Variants in SCHIP1 observed in about 807,000 individuals in gnomAD.
The protein encoded by SCHIP1 is schwannomin-interacting protein 1.
In SCHIP1, 8 loss-of-function variants were observed where a neutral mutation model predicts 29.7. That is an observed-to-expected ratio of 0.27 (90% CI 0.16 to 0.49). SCHIP1 has a LOEUF of 0.49. Ranked by LOEUF, SCHIP1 falls within the 20% of genes least tolerant of loss-of-function variation. The probability of loss-of-function intolerance (pLI) is 0.99; values close to 1 mark genes in which losing one functional copy is unlikely to be tolerated. For synonymous variants in SCHIP1, 76 were observed against 94.9 expected (o/e 0.80, Z 1.16); for missense variants, 193 against 294.6 (o/e 0.66, Z 2.52).
the SCHIP1 span, among the ~76,000 whole-genome samples, chr3:159,600,681 T>A: frequency 6.6e-6 from 1 of 152,368 alleles, no homozygotes; most frequent in Middle Eastern, 3.4e-3. Context: ...TAACATTTTC[T>A]TTTTAAGATT....
At chr3:159,734,894 C>G in the SCHIP1 span, among the ~76,000 whole-genome samples, 5 of 146,130 alleles carry the variant, frequency 3.4e-5, no homozygotes, top group Non-Finnish European at 5.9e-5. Flanking sequence ...AGCTTTAGGA[C>G]TACAGTTACT....
rs59306667 is a variant in SCHIP1 at position 159,864,415 on chromosome 3, C to G, written c.31-1748C>G. Among the ~76,000 whole-genome samples the G allele has an allele frequency of 4.2e-3, 624 of 148,308 alleles. 4 individuals are homozygous for G. The highest frequency in any genetic ancestry group is 0.015 in the African/African-American group (606 of 40,554). ...GAACTATGAAAGCAGTCTTTCACAT[C>G]TGTAAAAAAAACAAAAAATCTGTAT... On this transcript the variant is annotated intron_variant, in intron 1 of 6. Coordinates refer to ENST00000445224, the Ensembl canonical transcript of SCHIP1.
chr3:159,828,728 A>T, the SCHIP1 span, among the ~76,000 whole-genome samples: 1 of 152,056 alleles, frequency 6.6e-6, no homozygotes, highest in African/African-American at 2.4e-5. Context: ...AGCATTGAAA[A>T]GCTTTTTTAT....
At chr3:159,461,398 C>T in the SCHIP1 span, among the ~76,000 whole-genome samples, 1 of 152,046 alleles carries the variant, frequency 6.6e-6, no homozygotes, top group Non-Finnish European at 1.5e-5. Context: ...AGCCACCCAC[C>T]CTCATGCTGT....
chr3:159,435,574 G>C, the SCHIP1 span, among the ~76,000 whole-genome samples: 2 of 152,150 alleles, frequency 1.3e-5, no homozygotes, highest in Non-Finnish European at 2.9e-5. Flanking sequence ...ACCAGTAAAG[G>C]CAAGTGAAGA....
At chr3:159,381,681 C>G in the SCHIP1 span, among the ~76,000 whole-genome samples, 5 of 152,034 alleles carry the variant, frequency 3.3e-5, no homozygotes, top group African/African-American at 4.8e-5. Flanking sequence ...CTGCAACCTC[C>G]ACCTCCTGGG....
chr3:159,430,012 A>G, the SCHIP1 span, among the ~76,000 whole-genome samples: 19 of 152,320 alleles, frequency 1.2e-4, no homozygotes, highest in South Asian at 2.9e-3. Flanking sequence ...AAAGGTGACT[A>G]AAGTGGTTAC....
chr3:159,634,039 C>A, the SCHIP1 span, among the ~76,000 whole-genome samples: 1 of 152,014 alleles, frequency 6.6e-6, no homozygotes, highest in South Asian at 2.1e-4. Context: ...TAGATTTAAC[C>A]AAAGATTGTG....
At chr3:159,823,508 AATG>A in the SCHIP1 span, among the ~76,000 whole-genome samples, 1 of 152,232 alleles carries the variant, frequency 6.6e-6, no homozygotes, top group Non-Finnish European at 1.5e-5. Flanking sequence ...AGCAAGGACA[AATG>A]ATGACAATGT....
chr3:159,612,159 G>A, the SCHIP1 span, among the ~76,000 whole-genome samples: 2 of 151,986 alleles, frequency 1.3e-5, no homozygotes, highest in Non-Finnish European at 2.9e-5. Flanking sequence ...ACTGTACTTT[G>A]CAGAAATAAT....
chr3:159,641,870 A>C, the SCHIP1 span, among the ~76,000 whole-genome samples: 92 of 152,286 alleles, frequency 6.0e-4, no homozygotes, highest in African/African-American at 1.9e-3. Flanking sequence ...ATTAAAGCAG[A>C]AGAAGGAAAT....
the SCHIP1 span, among the ~76,000 whole-genome samples, chr3:159,775,696 G>T: frequency 6.6e-6 from 1 of 152,354 alleles, no homozygotes; most frequent in East Asian, 1.9e-4. Flanking sequence ...AGCTGTGCCA[G>T]TGTTGGCCTG....
chr3:159,402,685 A>G, the SCHIP1 span, among the ~76,000 whole-genome samples: 1 of 152,194 alleles, frequency 6.6e-6, no homozygotes, highest in Non-Finnish European at 1.5e-5. Flanking sequence ...GCAAGGACAA[A>G]AAACCAAACA....
the SCHIP1 span, among the ~76,000 whole-genome samples, chr3:159,778,982 T>G: frequency 6.6e-6 from 1 of 152,358 alleles, no homozygotes; most frequent in Non-Finnish European, 1.5e-5. Flanking sequence ...CACTTGTTAT[T>G]TGCTCTCTGA....
the SCHIP1 span, among the ~76,000 whole-genome samples, chr3:159,366,802 A>C: frequency 9.2e-5 from 14 of 152,204 alleles, no homozygotes; most frequent in African/African-American, 3.4e-4. Flanking sequence ...ATGGGACAGC[A>C]ACATTTCAAA....
chr3:159,762,991 C>G, the SCHIP1 span, among the ~76,000 whole-genome samples: 1 of 152,208 alleles, frequency 6.6e-6, no homozygotes, highest in Non-Finnish European at 1.5e-5. Flanking sequence ...TTCGCCCCTA[C>G]CCGCTTCCCC....
At chr3:159,380,763 T>C in the SCHIP1 span, among the ~76,000 whole-genome samples, 1 of 152,112 alleles carries the variant, frequency 6.6e-6, no homozygotes, top group African/African-American at 2.4e-5. Flanking sequence ...CCAAAGAGAT[T>C]TAGCAACTTT....
At chr3:159,498,356 C>A in the SCHIP1 span, among the ~76,000 whole-genome samples, 2 of 152,158 alleles carry the variant, frequency 1.3e-5, no homozygotes, top group African/African-American at 4.8e-5. Context: ...AGAAGAACAA[C>A]CAGTAATTCC....
At chr3:159,427,481 A>G in the SCHIP1 span, among the ~76,000 whole-genome samples, 3 of 152,110 alleles carry the variant, frequency 2.0e-5, no homozygotes, top group African/African-American at 7.2e-5. Flanking sequence ...TAGGAATCCA[A>G]CTTACAAGGG....
Sources: gnomAD v4.1 joint callset for allele counts (sites outside exome capture counted in the v4.1 genomes callset) on GRCh38, gnomAD v4.1.1 for gene constraint, MANE v1.5 for transcripts, NCBI Gene and HGNC (gene_info 2026-07-23, HGNC 2026-07-21) for gene names.